The following CAP2 variants were observed in gnomAD, a reference collection of about 807,000 sequenced individuals.
CAP2 encodes the protein adenylyl cyclase-associated protein 2.
Under a neutral mutation model 57.7 loss-of-function variants are expected in CAP2, and 24 were observed. The observed-to-expected ratio is 0.42, with a 90% CI of 0.30 to 0.58. The LOEUF (loss-of-function observed/expected upper bound fraction) is 0.58, where lower values mean the gene tolerates loss of function less well. Among genes scored for constraint, CAP2 ranks in the 20% least tolerant of loss-of-function variants. The pLI, the probability that CAP2 is intolerant of heterozygous loss-of-function variation, is 0.22. For missense variants in CAP2, 501 were observed against 590.3 expected, an observed-to-expected ratio of 0.85 and a Z score of 1.57; for synonymous variants, 194 against 207.2, an observed-to-expected ratio of 0.94 and a Z score of 0.55.
Position 17,415,967 on chromosome 6 carries a change from A to G in CAP2, c.-1-5588A>G, listed in dbSNP as rs79790310. 1.5e-3 allele frequency among the ~76,000 whole-genome samples: 230 copies of G among 152,114 alleles called. 2 individuals carry two copies. Among genetic ancestry groups the G allele is most frequent in the African/African-American group, 4.9e-3 (204 of 41,560 alleles). ...TGGGTGAAGAAAATATGAGGGATGA[A>G]GGAGTGCTGCTAGTTTCCAAAAATG... On this transcript the variant is annotated intron_variant, in intron 1 of 12. Transcript: ENST00000229922.
At chr6:17,530,760 A>C (rs1333259550) in intron 7 of CAP2, 9 of 513,498 alleles carry the variant, frequency 1.8e-5, no homozygotes, top group South Asian at 6.7e-5. Context: ...TGAGCAACAT[A>C]ATCCACCTGT....
At chr6:17,462,075 A>C (rs1026747381) in intron 3 of CAP2, among the ~76,000 whole-genome samples, 3 of 151,654 alleles carry the variant, frequency 2.0e-5, no homozygotes, top group African/African-American at 7.3e-5. Flanking sequence ...AAAAATTAAC[A>C]AATTAGTTGA....
At chr6:17,543,344 G>C (rs764121802) in intron 11 of CAP2, among the ~76,000 whole-genome samples, 2 of 152,164 alleles carry the variant, frequency 1.3e-5, no homozygotes, top group Admixed American at 1.3e-4. Context: ...GCAGCCAGTC[G>C]CGGTGGCTCA....
chr6:17,556,268 A>G, intron 12 of CAP2, 91 bp from the exon 13 acceptor site: 1 of 892,576 alleles, frequency 1.1e-6, no homozygotes, highest in Non-Finnish European at 1.8e-6. Flanking sequence ...TGTGGCACAA[A>G]TCAGCCTCAC....
chr6:17,420,234 G>T (rs962329793), intron 1 of CAP2, among the ~76,000 whole-genome samples: 2 of 152,166 alleles, frequency 1.3e-5, no homozygotes, highest in Admixed American at 6.5e-5. Flanking sequence ...CCAGCCAAGA[G>T]TACTGGGTAA....
chr6:17,410,839 G>A (rs1210715646), intron 1 of CAP2, among the ~76,000 whole-genome samples: 5 of 152,278 alleles, frequency 3.3e-5, no homozygotes, highest in South Asian at 2.1e-4. Context: ...GACTACAGGC[G>A]TGAGCCACCA....
chr6:17,409,287 A>G (rs1759075089), intron 1 of CAP2, among the ~76,000 whole-genome samples: 1 of 151,618 alleles, frequency 6.6e-6, no homozygotes, highest in Non-Finnish European at 1.5e-5. Context: ...CAGAAGAATC[A>G]CCTGCGCCCA....
intron 4 of CAP2, among the ~76,000 whole-genome samples, chr6:17,495,810 G>C (rs1761648506): frequency 6.6e-6 from 1 of 152,112 alleles, no homozygotes; most frequent in Non-Finnish European, 1.5e-5. Flanking sequence ...GTGTGAAAGA[G>C]AAAGCAAGAA....
intron 4 of CAP2, among the ~76,000 whole-genome samples, chr6:17,463,296 GAAAA>G (rs149970340): frequency 5.2e-5 from 7 of 133,894 alleles, no homozygotes; most frequent in African/African-American, 1.9e-4. Context: ...TGCCATTTGC[GAAAA>G]AAAAAAGAAA....
chr6:17,393,945 C>T (rs1201806760), intron 1 of CAP2, among the ~76,000 whole-genome samples, 199 bp downstream of exon 1: 1 of 146,516 alleles, frequency 6.8e-6, no homozygotes, highest in African/African-American at 2.5e-5. Flanking sequence ...GACCCGGGCG[C>T]GGGGCGCGGG....
chr6:17,458,151 T>A (rs189911141), intron 3 of CAP2, among the ~76,000 whole-genome samples: 77 of 152,312 alleles, frequency 5.1e-4, no homozygotes, highest in Non-Finnish European at 1.0e-3. Context: ...ACTGCATAGC[T>A]CAGAGCTTCC....
At chr6:17,437,997 T>C (rs1320520725) in intron 3 of CAP2, among the ~76,000 whole-genome samples, 1 of 152,218 alleles carries the variant, frequency 6.6e-6, no homozygotes, top group Non-Finnish European at 1.5e-5. Context: ...ACTTTACATG[T>C]TGGGGATATT....
At chr6:17,436,122 C>CTT (rs1450149469) in intron 3 of CAP2, among the ~76,000 whole-genome samples, 69 of 149,142 alleles carry the variant, frequency 4.6e-4, no homozygotes, top group Middle Eastern at 6.8e-3. Flanking sequence ...TCCTTCCTTC[C>CTT]CTCCTTCCTT....
chr6:17,490,879 A>G (rs1761527076), intron 4 of CAP2, among the ~76,000 whole-genome samples: 1 of 152,212 alleles, frequency 6.6e-6, no homozygotes, highest in South Asian at 2.1e-4. Flanking sequence ...CAGCTGGTGA[A>G]GCTGCCCTTG....
chr6:17,409,097 C>T (rs569055778), intron 1 of CAP2, among the ~76,000 whole-genome samples: 3 of 150,700 alleles, frequency 2.0e-5, no homozygotes, highest in Non-Finnish European at 3.0e-5. Context: ...TGAGGCTGGG[C>T]GTGGTGGCTC....
chr6:17,506,267 G>C lies in CAP2; in HGVS notation c.301-902G>C, dbSNP rs145911900. Reference sequence around the variant, plus strand: ...TCGGTTGCTGAATTAGCAGAATTGAGTGTGACCTGTAGCCATAGGCGAAGT... The same window carrying C: ...TCGGTTGCTGAATTAGCAGAATTGACTGTGACCTGTAGCCATAGGCGAAGT... On this transcript the variant is annotated intron_variant, in intron 4 of 12. Coordinates refer to ENST00000229922, the MANE Select transcript of CAP2 (RefSeq NM_006366.3). 2.5e-4 allele frequency among the ~76,000 whole-genome samples: 38 copies of C among 152,324 alleles called. No individual in the cohort carries two copies. In the East Asian group the frequency reaches 6.0e-3, roughly 24 times the overall value.
At chr6:17,497,706 C>T (rs1199472896) in intron 4 of CAP2, among the ~76,000 whole-genome samples, 1 of 152,168 alleles carries the variant, frequency 6.6e-6, no homozygotes, top group Non-Finnish European at 1.5e-5. Flanking sequence ...ACTAGAGCTT[C>T]CTCTGTCTCC....
In CAP2 at chr6:17,489,531, G is replaced by C. The variant is rs139371761; in HGVS notation, c.301-17638G>C. ...CAAGCAACAGTGTTAAGTCCTCAGA[G>C]TCCCACATGGTGCCCCAAAGGGTGT... On this transcript the variant is annotated intron_variant, in intron 4 of 12. Coordinates refer to ENST00000229922, the MANE Select transcript of CAP2 (RefSeq NM_006366.3). Among the ~76,000 whole-genome samples the C allele has an allele frequency of 3.2e-3, 486 of 152,218 alleles. 3 individuals carry two copies. The highest frequency in any genetic ancestry group is 0.011 in the African/African-American group (438 of 41,536).
intron 2 of CAP2, 104 bp downstream of exon 2, chr6:17,421,780 C>T: frequency 1.6e-6 from 2 of 1,288,586 alleles, no homozygotes; most frequent in Non-Finnish European, 2.2e-6. Context: ...TTCAGCTTCC[C>T]TACTCCTTCC....
Sources: gnomAD v4.1 joint callset for allele counts (sites outside exome capture counted in the v4.1 genomes callset) on GRCh38, gnomAD v4.1.1 for gene constraint, MANE v1.5 for transcripts, NCBI Gene and HGNC (gene_info 2026-07-23, HGNC 2026-07-21) for gene names.